The following LTC4S variants were observed in gnomAD, a reference collection of about 807,000 sequenced individuals.
LTC4S encodes LTC4 synthase.
A neutral mutation model predicts 19.6 loss-of-function variants in LTC4S; 18 were observed. That is an observed-to-expected ratio of 0.92 (90% CI 0.64 to 1.36). LTC4S has a LOEUF of 1.36. Ranked by LOEUF, LTC4S falls within the 40% of genes most tolerant of loss-of-function variation. The pLI, the probability that LTC4S is intolerant of heterozygous loss-of-function variation, is 0.00. For synonymous variants in LTC4S, 126 were observed against 110.1 expected (o/e 1.14, Z -0.91); for missense variants, 235 against 212.2 (o/e 1.11, Z -0.67).
At chr5:179,794,227 G>A (rs902896065) in intron 1 of LTC4S, 89 bp downstream of exon 1, 17 of 1,524,516 alleles carry the variant, frequency 1.1e-5, no homozygotes, top group African/African-American at 8.2e-5. Flanking sequence ...GGGCAGAGGT[G>A]GGGACTCCAG....
At position 179,795,847 on chromosome 5, in the gene LTC4S, T is replaced by C. The variant is rs747734547; in HGVS notation, c.220T>C (p.Phe74Leu). ...CACGCTCTGGGTCGCCGGCATCTTC[T>C]TTCATGAAGGTCGGGGTGTGGGGCA... ...LATLWVAGIF[F>L]HEGAAALCGL... is the part of the protein sequence containing the mutation. Residue 74 changes from phenylalanine to leucine, a missense_variant, in exon 3 of 5, where the codon TTT (phenylalanine) becomes CTT (leucine). Transcript: ENST00000292596. 1.9e-6 allele frequency: 3 copies of C among 1,606,546 alleles called. No individual in the cohort carries two copies. Among genetic ancestry groups the C allele is most frequent in the Admixed American group, 3.3e-5 (2 of 59,710 alleles).
rs780288135 is a variant in LTC4S at position 179,794,065 on chromosome 5, C to T, written c.-16C>T. 12 of 1,613,496 alleles carry T rather than the reference C, an allele frequency of 7.4e-6. No individual in the cohort carries two copies. In the African/African-American group the frequency reaches 1.6e-4, roughly 22 times the overall value. ...TCGCCTTCACACACAGCCCGTGCCACCACACCGACGGTACCATGAAGGACG... is the reference window on the plus strand; with the variant it reads ...TCGCCTTCACACACAGCCCGTGCCATCACACCGACGGTACCATGAAGGACG... On this transcript the variant is annotated 5_prime_UTR_variant, in exon 1 of 5. Coordinates refer to ENST00000292596, the MANE Select transcript of LTC4S (RefSeq NM_145867.2).
Position 179,795,798 on chromosome 5 carries a change from C to G in LTC4S, c.171C>G (p.Ser57Arg), listed in dbSNP as rs771230210. The part of the protein sequence containing the change: ...ERVYRAQVNC[S>R]EYFPLFLATL... Reference sequence around the variant, plus strand: ...CCGCCCACCGCAGGGTGAACTGCAGCGAGTACTTCCCGCTGTTCCTCGCCA... The same window carrying G: ...CCGCCCACCGCAGGGTGAACTGCAGGGAGTACTTCCCGCTGTTCCTCGCCA... Residue 57 changes from serine to arginine, a missense_variant, in exon 3 of 5, where the codon AGC becomes AGG. Coordinates refer to ENST00000292596, the MANE Select transcript of LTC4S (RefSeq NM_145867.2). 5 of 1,602,974 alleles carry G rather than the reference C, an allele frequency of 3.1e-6. No homozygotes were observed. The South Asian group carries it at 5.6e-5, about 18-fold the overall frequency.
Position 179,795,769 on chromosome 5 carries a change from C to A in LTC4S, c.159-17C>A. 1 of 1,585,156 alleles carries A rather than the reference C, an allele frequency of 6.3e-7. No individual in the cohort carries two copies. Among genetic ancestry groups the A allele is most frequent in the Non-Finnish European group, 8.6e-7 (1 of 1,167,010 alleles). On this transcript the variant is annotated splice_polypyrimidine_tract_variant and intron_variant, in intron 2 of 4. Coordinates refer to ENST00000292596, the MANE Select transcript of LTC4S (RefSeq NM_145867.2). The stretch of plus-strand genomic sequence containing the variant: ...GACCATCCCGGCCGGCGCGCTCATC[C>A]CACCCGCCCACCGCAGGGTGAACTG...
At position 179,796,556 on chromosome 5, in the gene LTC4S, G is replaced by A. The variant is rs1039461986; in HGVS notation, c.*162G>A. ...GGTCCGCGGGGGTGGCGCACCGCGG[G>A]CTACGGAGCCTGGAGGGGCCCAGCC... On this transcript the variant is annotated 3_prime_UTR_variant, in exon 5 of 5. Transcript: ENST00000292596. 22 of 1,158,076 alleles carry A rather than the reference G, an allele frequency of 1.9e-5. No homozygotes were observed. The highest frequency in any genetic ancestry group is 9.9e-5 in the East Asian group (3 of 30,294). 71.7% of individuals were successfully genotyped at this position (1,158,076 alleles called of 1,614,324 possible).
At position 179,794,072 on chromosome 5, in the gene LTC4S, G is replaced by C. The variant is rs776562798; in HGVS notation, c.-9G>C. The C allele has an allele frequency of 6.2e-7, 1 of 1,613,608 alleles. No individual in the cohort carries two copies. Among genetic ancestry groups the C allele is most frequent in the Non-Finnish European group, 8.5e-7 (1 of 1,179,930 alleles). ...CACACACAGCCCGTGCCACCACACC[G>C]ACGGTACCATGAAGGACGAGGTAGC... On this transcript the variant is annotated 5_prime_UTR_variant, in exon 1 of 5. Coordinates refer to ENST00000292596, the MANE Select transcript of LTC4S (RefSeq NM_145867.2).
chr5:179,795,655 C>A lies in LTC4S; in HGVS notation c.130C>A (p.Pro44Thr), dbSNP rs749209459. The A allele has an allele frequency of 6.8e-6, 11 of 1,608,646 alleles. No homozygotes were observed. Among genetic ancestry groups the A allele is most frequent in the Non-Finnish European group, 8.5e-6 (10 of 1,178,788 alleles). The change falls in exon 2 of 5, where the codon CCC becomes ACC. Residue 44 changes from proline (P) to threonine (T), a missense_variant. Coordinates refer to ENST00000292596, the MANE Select transcript of LTC4S (RefSeq NM_145867.2). ...RVSPPLTTGP[P>T]EFERVYRAQV... ...GTCGCCGCCGCTCACCACCGGCCCACCCGAGTTCGAGCGCGTCTACCGAGC... is the reference window on the plus strand; with the variant it reads ...GTCGCCGCCGCTCACCACCGGCCCAACCGAGTTCGAGCGCGTCTACCGAGC...
At position 179,795,605 on chromosome 5, in the gene LTC4S, T is replaced by C. The variant is rs557239059; in HGVS notation, c.80T>C (p.Ile27Thr). 11 of 1,610,324 alleles carry C rather than the reference T, an allele frequency of 6.8e-6. No homozygotes were observed. The highest frequency in any genetic ancestry group is 4.0e-5 in the African/African-American group (3 of 74,946). ...LLQAYFSLQVISARRAFRVSP... is the reference protein window; with the variant it reads ...LLQAYFSLQVTSARRAFRVSP... The stretch of plus-strand genomic sequence containing the variant: ...CCAGCCTACTTCTCCCTGCAGGTGA[T>C]CTCGGCGCGCAGGGCCTTCCGCGTG... The change falls in exon 2 of 5, where the codon ATC becomes ACC. Residue 27 changes from isoleucine (I) to threonine (T), a missense_variant. Transcript: ENST00000292596.
chr5:179,794,537 C>T (rs977761299), intron 1 of LTC4S, among the ~76,000 whole-genome samples: 1 of 152,258 alleles, frequency 6.6e-6, no homozygotes, highest in Admixed American at 6.5e-5. Flanking sequence ...CTTTCTCAGA[C>T]TGGCCCTAAA....
Position 179,795,924 on chromosome 5 carries a change from G to A in LTC4S, c.230-17G>A. ...CCCGCGCAGGGCGCTCACCAGGCCCGTGCGTACCTCTCGCAGGGGCGGCGG... is the reference window on the plus strand; with the variant it reads ...CCCGCGCAGGGCGCTCACCAGGCCCATGCGTACCTCTCGCAGGGGCGGCGG... On this transcript the variant is annotated splice_polypyrimidine_tract_variant and intron_variant, in intron 3 of 4. Transcript: ENST00000292596. 1.3e-6 allele frequency: 2 copies of A among 1,577,550 alleles called. No homozygotes were observed. Among genetic ancestry groups the A allele is most frequent in the South Asian group, 1.1e-5 (1 of 88,332 alleles).
In LTC4S at chr5:179,795,854, A is replaced by G. The variant is rs1368582186; in HGVS notation, c.227A>G (p.Glu76Gly). 2 of 1,605,552 alleles carry G rather than the reference A, an allele frequency of 1.2e-6. No individual in the cohort carries two copies. Among genetic ancestry groups the G allele is most frequent in the East Asian group, 4.5e-5 (2 of 44,766 alleles). Residue 76 changes from glutamate (E) to glycine (G), a missense_variant and splice_region_variant, in exon 3 of 5, where the codon GAA (glutamate) becomes GGA (glycine). Physicochemically the swap from Glu to Gly is moderately conservative, Grantham distance 98. Transcript: ENST00000292596. ...TGGGTCGCCGGCATCTTCTTTCATG[A>G]AGGTCGGGGTGTGGGGCAGGGGCGC... ...TLWVAGIFFH[E>G]GAAALCGLVY...
chr5:179,794,562 G>A (rs573636091), intron 1 of LTC4S, among the ~76,000 whole-genome samples: 1 of 152,234 alleles, frequency 6.6e-6, no homozygotes, highest in Non-Finnish European at 1.5e-5. Flanking sequence ...ACATTCCTTG[G>A]CCAGATATCC....
chr5:179,795,463 G>A, intron 1 of LTC4S, 121 bp from the exon 2 acceptor site: 6 of 1,507,232 alleles, frequency 4.0e-6, no homozygotes, highest in Non-Finnish European at 5.3e-6. Context: ...AGGGGGCGGG[G>A]TTCCGCCTTA....
chr5:179,796,064 C>G, intron 4 of LTC4S, 42 bp downstream of exon 4: 1 of 1,394,536 alleles, frequency 7.2e-7, no homozygotes, highest in Non-Finnish European at 9.5e-7. Context: ...GGGGAAAGAT[C>G]GCGGGCGGGC....
Position 179,795,617 on chromosome 5 carries a change from G to A in LTC4S, c.92G>A (p.Arg31Lys). The A allele has an allele frequency of 1.9e-6, 3 of 1,610,366 alleles. No homozygotes were observed. The highest frequency in any genetic ancestry group is 2.5e-6 in the Non-Finnish European group (3 of 1,179,284). Residue 31 changes from arginine (R) to lysine (K), a missense_variant, in exon 2 of 5, where the codon AGG becomes AAG. Physicochemically the swap from Arg to Lys is conservative, Grantham distance 26 (BLOSUM62 2). Coordinates refer to ENST00000292596, the MANE Select transcript of LTC4S (RefSeq NM_145867.2). The part of the protein sequence containing the change: ...YFSLQVISAR[R>K]AFRVSPPLTT... ...TCCCTGCAGGTGATCTCGGCGCGCA[G>A]GGCCTTCCGCGTGTCGCCGCCGCTC...
At position 179,796,571 on chromosome 5, in the gene LTC4S, G is replaced by A. The variant is rs888673688; in HGVS notation, c.*177G>A. The A allele has an allele frequency of 9.6e-6, 10 of 1,046,018 alleles. 1 individual carries two copies. The South Asian group carries it at 1.7e-4, about 18-fold the overall frequency. 64.8% of individuals were successfully genotyped at this position (1,046,018 alleles called of 1,614,324 possible). A position where few individuals can be genotyped will look rare whatever the true frequency, so the allele number is the denominator to read the frequency against. ...CGCACCGCGGGCTACGGAGCCTGGA[G>A]GGGCCCAGCCCGAGTCCGGGCAGCC... On this transcript the variant is annotated 3_prime_UTR_variant, in exon 5 of 5. Transcript: ENST00000292596.
Position 179,795,875 on chromosome 5 carries a change from G to GGC in LTC4S, c.229+22_229+23dup, listed in dbSNP as rs768037337. On this transcript the variant is annotated intron_variant, in intron 3 of 4. Coordinates refer to ENST00000292596, the MANE Select transcript of LTC4S (RefSeq NM_145867.2). ...CATGAAGGTCGGGGTGTGGGGCAGG[G>GGC]GCGCACGCGCTGGACCCCCGGGACC... 1 of 1,602,920 alleles carries GGC rather than the reference G, an allele frequency of 6.2e-7. No individual in the cohort carries two copies. Among genetic ancestry groups the GGC allele is most frequent in the Admixed American group, 1.7e-5 (1 of 59,564 alleles).
chr5:179,794,103 T>C lies in LTC4S; in HGVS notation c.23T>C (p.Leu8Pro). 6.2e-7 allele frequency: 1 copy of C among 1,613,688 alleles called. No homozygotes were observed. Among genetic ancestry groups the C allele is most frequent in the Non-Finnish European group, 8.5e-7 (1 of 1,179,986 alleles). ...ACCATGAAGGACGAGGTAGCTCTAC[T>C]GGCTGCTGTCACCCTCCTGGGAGTC... MKDEVAL[L>P]AAVTLLGVLL... Residue 8 changes from leucine to proline, a missense_variant, in exon 1 of 5, where the codon CTG becomes CCG. By Grantham distance (98) the Leu-to-Pro change is moderately conservative (BLOSUM62 -3). Transcript: ENST00000292596.
intron 1 of LTC4S, among the ~76,000 whole-genome samples, chr5:179,794,781 G>A (rs765467814): frequency 6.6e-6 from 1 of 152,202 alleles, no homozygotes; most frequent in African/African-American, 2.4e-5. Flanking sequence ...GAGATGGTCC[G>A]ACGGGAGGTC....
Sources: gnomAD v4.1 joint callset for allele counts (sites outside exome capture counted in the v4.1 genomes callset) on GRCh38, gnomAD v4.1.1 for gene constraint, MANE v1.5 for transcripts, NCBI Gene and HGNC (gene_info 2026-07-23, HGNC 2026-07-21) for gene names.